CASTOR2: variants seen among roughly 807,000 people sequenced by gnomAD.
CASTOR2 encodes the protein GATS protein like 2.
A neutral mutation model predicts 31.2 loss-of-function variants in CASTOR2; 8 were observed. The ratio of observed to expected loss-of-function variants is 0.26; its 90% CI spans 0.15 to 0.46. The LOEUF (loss-of-function observed/expected upper bound fraction) is 0.46, where lower values mean the gene tolerates loss of function less well. CASTOR2 is among the 20% of genes least tolerant of loss of function. CASTOR2 has a pLI of 0.99. For synonymous variants in CASTOR2, 162 were observed against 158.7 expected (o/e 1.02, Z -0.16); for missense variants, 216 against 382.1 (o/e 0.57, Z 3.62).
rs1375018159 is a variant in CASTOR2 at position 74,998,425 on chromosome 7, G to A, written c.114-9569G>A. On this transcript the variant is annotated intron_variant, in intron 1 of 8. Coordinates refer to ENST00000616305, the MANE Select transcript of CASTOR2 (RefSeq NM_001145064.3). ...TGGAGACCAGCCTGGCCAACATGGC[G>A]AAACCCCATCTCTACTAAAAATACA... Among the ~76,000 whole-genome samples, 77 of 152,214 alleles carry A rather than the reference G, an allele frequency of 5.1e-4. 1 individual carries two copies. The Middle Eastern group carries it at 0.017, about 34-fold the overall frequency.
chr7:74,990,065 T>C (rs1297560756), intron 1 of CASTOR2, among the ~76,000 whole-genome samples: 1 of 152,036 alleles, frequency 6.6e-6, no homozygotes, highest in Non-Finnish European at 1.5e-5. Flanking sequence ...TAAGAAACCA[T>C]GACCCAAGCT....
chr7:75,021,419 G>A (rs1221746672), intron 6 of CASTOR2, among the ~76,000 whole-genome samples: 5 of 152,154 alleles, frequency 3.3e-5, no homozygotes, highest in African/African-American at 7.2e-5. Context: ...GAGCCACCAC[G>A]CCCTGCCACT....
chr7:74,999,121 G>A (rs1237403957), intron 1 of CASTOR2, among the ~76,000 whole-genome samples: 141 of 151,920 alleles, frequency 9.3e-4, no homozygotes, highest in Middle Eastern at 3.4e-3. Flanking sequence ...TCAGCCTCCC[G>A]AGTAGCTGGG....
At chr7:75,009,668 A>G (rs1196271870) in intron 2 of CASTOR2, among the ~76,000 whole-genome samples, 1 of 151,594 alleles carries the variant, frequency 6.6e-6, no homozygotes, top group African/African-American at 2.4e-5. Flanking sequence ...TTCCAGGCAG[A>G]GAGAACCCCA....
rs1158456043 is a variant in CASTOR2, at chr7:74,999,601, C to CTTTTTTTTTTTTTTTTTT, written c.114-8375_114-8358dup. ...CCCGAAACACTTCTATCACTCACTG[C>CTTTTTTTTTTTTTTTTTT]TTTTTTTTTTTTTTTTTTTTTTTTT... On this transcript the variant is annotated intron_variant, in intron 1 of 8. Coordinates refer to ENST00000616305, the MANE Select transcript of CASTOR2 (RefSeq NM_001145064.3). Among the ~76,000 whole-genome samples the CTTTTTTTTTTTTTTTTTT allele has an allele frequency of 6.6e-5, 3 of 45,760 alleles. 1 individual carries two copies. The highest frequency in any genetic ancestry group is 3.8e-4 in the African/African-American group (3 of 7,960). The allele number at this position is 45,760 out of a possible 152,430, so 30.0% of individuals were successfully genotyped here. A position where few individuals can be genotyped will look rare whatever the true frequency, so the allele number is the denominator to read the frequency against.
intron 1 of CASTOR2, among the ~76,000 whole-genome samples, chr7:74,980,623 G>A (rs587650359): frequency 7.3e-6 from 1 of 137,860 alleles, no homozygotes; most frequent in South Asian, 2.2e-4. Flanking sequence ...CGAGGTGGCA[G>A]TGGTGGCCTC....
In CASTOR2 at chr7:75,026,172, T is replaced by G. The variant is rs1805122742; in HGVS notation, c.*1473T>G. On this transcript the variant is annotated 3_prime_UTR_variant, in exon 9 of 9. Transcript: ENST00000616305. ...TGAGCAGGACCAAGGGCCCCTGTGG[T>G]TTTGGCTCTGGCGGGGGTTTTTTTT... is the stretch of plus-strand genomic sequence containing the variant. 6.9e-6 allele frequency among the ~76,000 whole-genome samples: 1 copy of G among 144,444 alleles called. No individual in the cohort carries two copies. Among genetic ancestry groups the G allele is most frequent in the South Asian group, 2.2e-4 (1 of 4,550 alleles). The allele number at this position is 144,444 out of a possible 152,430, so 94.8% of individuals were successfully genotyped here. A position where few individuals can be genotyped will look rare whatever the true frequency, so the allele number is the denominator to read the frequency against.
At chr7:74,992,976 G>A (rs1320770516) in intron 1 of CASTOR2, among the ~76,000 whole-genome samples, 1 of 152,022 alleles carries the variant, frequency 6.6e-6, no homozygotes, top group South Asian at 2.1e-4. Flanking sequence ...CGAGGCAGGT[G>A]GATCATGAGG....
intron 1 of CASTOR2, among the ~76,000 whole-genome samples, chr7:74,993,122 C>T (rs1486652022): frequency 1.3e-5 from 2 of 152,076 alleles, no homozygotes; most frequent in Non-Finnish European, 2.9e-5. Flanking sequence ...ATGGCGTGAA[C>T]CCAGGAGGGG....
Position 74,989,557 on chromosome 7 carries a change from G to A in CASTOR2, c.114-18437G>A, listed in dbSNP as rs1185941825. ...CCAACTCAGCCACCTGAGTAGCTGA[G>A]ACTAACCACTGTGTCCGCCTATTTT... On this transcript the variant is annotated intron_variant, in intron 1 of 8. Coordinates refer to ENST00000616305, the MANE Select transcript of CASTOR2 (RefSeq NM_001145064.3). 3.3e-5 allele frequency among the ~76,000 whole-genome samples: 5 copies of A among 149,634 alleles called. No individual in the cohort carries two copies. The Admixed American group carries it at 3.4e-4, about 10-fold the overall frequency.
chr7:74,988,724 C>A (rs1309330045), intron 1 of CASTOR2, among the ~76,000 whole-genome samples: 9 of 152,150 alleles, frequency 5.9e-5, no homozygotes, highest in African/African-American at 1.9e-4. Context: ...CACTGCCCCC[C>A]ACAGCGACCA....
rs1424649048 is a variant in CASTOR2, at chr7:75,010,165, G to A, written c.184+2101G>A. ...TGGTCCTTTCTGGGGGCTCAAAAGC[G>A]GAAGTTCCTGGTGAGCTCATGTGGT... On this transcript the variant is annotated intron_variant, in intron 2 of 8. Transcript: ENST00000616305. 5.3e-5 allele frequency among the ~76,000 whole-genome samples: 8 copies of A among 152,002 alleles called. No individual in the cohort carries two copies. The South Asian group carries it at 1.0e-3, about 20-fold the overall frequency.
At position 75,017,994 on chromosome 7, in the gene CASTOR2, G is replaced by C; in HGVS notation, c.383G>C (p.Arg128Pro). Residue 128 changes from arginine (R) to proline (P), a missense_variant, in exon 4 of 9, where the codon CGC (arginine) becomes CCC (proline). By Grantham distance (103) the Arg-to-Pro change is moderately radical (BLOSUM62 -2). Around this residue, in one of 5 missense-constraint regions of CASTOR2, gnomAD observed 114 missense variants for 194.2 expected, o/e 0.59. Coordinates refer to ENST00000616305, the MANE Select transcript of CASTOR2 (RefSeq NM_001145064.3). ...GCCTCAACTTCTTGCCCCTAGGTGCGCGAGCGGGACCTGCCCTTTGTCACC... is the reference window on the plus strand; with the variant it reads ...GCCTCAACTTCTTGCCCCTAGGTGCCCGAGCGGGACCTGCCCTTTGTCACC... ...STYQTDFILVRERDLPFVTHT... is the reference protein window; with the variant it reads ...STYQTDFILVPERDLPFVTHT... The C allele has an allele frequency of 2.5e-6, 4 of 1,614,182 alleles. No individual in the cohort carries two copies. The highest frequency in any genetic ancestry group is 3.4e-6 in the Non-Finnish European group (4 of 1,180,024).
At chr7:74,996,120 G>A (rs1270395812) in intron 1 of CASTOR2, among the ~76,000 whole-genome samples, 16 of 152,168 alleles carry the variant, frequency 1.1e-4, no homozygotes, top group Non-Finnish European at 1.5e-4. Context: ...GGGGGAGGGA[G>A]GGTTAAGCTC....
intron 2 of CASTOR2, among the ~76,000 whole-genome samples, chr7:75,010,164 C>T (rs1412983548): frequency 3.3e-5 from 5 of 151,892 alleles, no homozygotes; most frequent in South Asian, 2.1e-4. Flanking sequence ...GGCTCAAAAG[C>T]GGAAGTTCCT....
At chr7:75,020,231 T>G in intron 6 of CASTOR2, 82 bp downstream of exon 6, 2 of 1,275,996 alleles carry the variant, frequency 1.6e-6, no homozygotes, top group Non-Finnish European at 2.2e-6. Flanking sequence ...CATCACCCAC[T>G]TTGTCTTTTA....
chr7:74,965,882 ACTCT>A (rs1162058092), intron 1 of CASTOR2, among the ~76,000 whole-genome samples: 2,743 of 19,050 alleles, frequency 0.14, 477 homozygotes, highest in East Asian at 0.73. Flanking sequence ...ACACACACAC[ACTCT>A]CTCTCTCTCT....
At chr7:74,986,706 C>T (rs1234832059) in intron 1 of CASTOR2, among the ~76,000 whole-genome samples, 5 of 152,086 alleles carry the variant, frequency 3.3e-5, no homozygotes, top group Non-Finnish European at 4.4e-5. Context: ...ACCTATACTG[C>T]AGGCCCTGCC....
Position 75,025,791 on chromosome 7 carries a change from G to C in CASTOR2, c.*1092G>C, listed in dbSNP as rs987757225. 6.6e-6 allele frequency among the ~76,000 whole-genome samples: 1 copy of C among 152,208 alleles called. No homozygotes were observed. ...TGCTCTTGGCGGTAGTTTCTGTTTG[G>C]CAGGGATAGGACCTGTTTGAGTTCT... On this transcript the variant is annotated 3_prime_UTR_variant, in exon 9 of 9. Coordinates refer to ENST00000616305, the MANE Select transcript of CASTOR2 (RefSeq NM_001145064.3).
Sources: allele counts gnomAD v4.1 joint callset (sites outside exome capture counted in the v4.1 genomes callset), GRCh38; gene constraint gnomAD v4.1.1; regional missense constraint gnomAD v4.1.1; transcripts MANE v1.5; gene names NCBI Gene and HGNC (gene_info 2026-07-23, HGNC 2026-07-21).